Variants in NUDT3 observed in about 807,000 individuals in gnomAD.
The protein encoded by NUDT3 is nudix hydrolase 3.
In NUDT3, 9 loss-of-function variants were observed where a neutral mutation model predicts 23.6. The observed-to-expected ratio is 0.38, with a 90% confidence interval of 0.23 to 0.66. NUDT3 has a LOEUF of 0.66. NUDT3 is among the 30% of genes least tolerant of loss of function. The pLI, the probability that NUDT3 is intolerant of heterozygous loss-of-function variation, is 0.52. For synonymous variants in NUDT3, 86 were observed against 82.6 expected (o/e 1.04, Z -0.22); for missense variants, 172 against 218.5 (o/e 0.79, Z 1.34).
chr6:34,392,417 G>C lies in NUDT3; in HGVS notation c.-55C>G. 1 of 1,420,130 alleles carries C rather than the reference G, an allele frequency of 7.0e-7. No homozygotes were observed. The highest frequency in any genetic ancestry group is 9.7e-7 in the Non-Finnish European group (1 of 1,035,562). 88.0% of individuals were successfully genotyped at this position (1,420,130 alleles called of 1,614,324 possible). On this transcript the variant is annotated 5_prime_UTR_variant, in exon 1 of 5. Coordinates refer to ENST00000607016, the MANE Select transcript of NUDT3 (RefSeq NM_006703.4). ...GGTCGCAGGAGTCGAGGGGTGGGGA[G>C]CCCGCTCTGGACGGCCGCGTGCGCG...
Position 34,380,631 on chromosome 6 carries a change from T to C in NUDT3, c.99+11633A>G, listed in dbSNP as rs185863111. ...TGTTAGTTACAGGGTTCAAAATGGA[T>C]AGAATTCTCTGTTGAGATCTTTGTT... On this transcript the variant is annotated intron_variant, in intron 1 of 4. Transcript: ENST00000607016. Among the ~76,000 whole-genome samples, 11 of 152,336 alleles carry C rather than the reference T, an allele frequency of 7.2e-5. No individual in the cohort carries two copies. In the East Asian group the frequency reaches 9.6e-4, roughly 13 times the overall value.
At chr6:34,388,885 T>C (rs1482699272) in intron 1 of NUDT3, among the ~76,000 whole-genome samples, 1 of 152,238 alleles carries the variant, frequency 6.6e-6, no homozygotes, top group Non-Finnish European at 1.5e-5. Context: ...AAGCTTTGCA[T>C]GATTCCTCGG....
At chr6:34,385,071 A>T (rs1267991506) in intron 1 of NUDT3, among the ~76,000 whole-genome samples, 2 of 151,746 alleles carry the variant, frequency 1.3e-5, no homozygotes, top group Non-Finnish European at 2.9e-5. Flanking sequence ...TGGCCCTAAG[A>T]ACAAAGATTA....
At chr6:34,296,480 G>A (rs1003337740) in intron 2 of NUDT3, among the ~76,000 whole-genome samples, 6 of 151,732 alleles carry the variant, frequency 4.0e-5, no homozygotes, top group African/African-American at 1.5e-4. Flanking sequence ...AGGCTGAGGT[G>A]GGAGGGTTGT....
chr6:34,359,669 A>T (rs1258638355), intron 1 of NUDT3, among the ~76,000 whole-genome samples: 1 of 152,204 alleles, frequency 6.6e-6, no homozygotes, highest in East Asian at 1.9e-4. Context: ...GTGTTTATCC[A>T]TTCATCTACT....
rs568182407 is a variant in NUDT3 at position 34,337,243 on chromosome 6, T to G, written c.210+4619A>C. ...TATGATGATATGATTCTCCTCTGAC[T>G]GCAGAAAAAAAATTAGCTCAAAGTC... On this transcript the variant is annotated intron_variant, in intron 2 of 4. Transcript: ENST00000607016. Among the ~76,000 whole-genome samples, 14 of 152,296 alleles carry G rather than the reference T, an allele frequency of 9.2e-5. No homozygotes were observed. The South Asian group carries it at 2.7e-3, about 29-fold the overall frequency.
At chr6:34,335,405 A>C (rs1764194018) in intron 2 of NUDT3, among the ~76,000 whole-genome samples, 1 of 152,148 alleles carries the variant, frequency 6.6e-6, no homozygotes. Context: ...AAAATGTTTA[A>C]GGGAATCAAT....
Position 34,339,124 on chromosome 6 carries a change from TCTC to T in NUDT3, c.210+2735_210+2737del. ...ATAGCTGCCAATTCCAAAACCATTA[TCTC>T]CTTTGTCTAAATGTGTGCCACCAAA... On this transcript the variant is annotated intron_variant, in intron 2 of 4. Coordinates refer to ENST00000607016, the MANE Select transcript of NUDT3 (RefSeq NM_006703.4). Among the ~76,000 whole-genome samples the T allele has an allele frequency of 2.0e-5, 3 of 152,220 alleles. No individual in the cohort carries two copies. In the East Asian group the frequency reaches 5.8e-4, roughly 29 times the overall value.
At chr6:34,352,529 T>C (rs1266872936) in intron 1 of NUDT3, among the ~76,000 whole-genome samples, 3 of 152,184 alleles carry the variant, frequency 2.0e-5, no homozygotes, top group Non-Finnish European at 4.4e-5. Flanking sequence ...ATGAATTGCA[T>C]AACTTTCCCA....
chr6:34,316,013 C>T lies in NUDT3; in HGVS notation c.211-20328G>A, dbSNP rs1006180137. Among the ~76,000 whole-genome samples the T allele has an allele frequency of 5.0e-4, 76 of 152,132 alleles. 5 individuals carry two copies. The highest frequency in any genetic ancestry group is 1.5e-5 in the Non-Finnish European group (1 of 68,024). ...CTGCCTTACTCGCCACTCTAGAAAC[C>T]CACTTCAAAAGCCTGGCTCTTTTCA... On this transcript the variant is annotated intron_variant, in intron 2 of 4. Transcript: ENST00000607016.
At chr6:34,375,322 C>A (rs185865696) in intron 1 of NUDT3, among the ~76,000 whole-genome samples, 1 of 151,310 alleles carries the variant, frequency 6.6e-6, no homozygotes, top group East Asian at 1.9e-4. Context: ...CCAGCCTGGG[C>A]GACAGAGTAA....
At chr6:34,297,760 A>ATTTTTTTTTTT (rs1348385184) in intron 2 of NUDT3, among the ~76,000 whole-genome samples, 1 of 53,654 alleles carries the variant, frequency 1.9e-5, no homozygotes, top group African/African-American at 1.1e-4. Context: ...TATATATATA[A>ATTTTTTTTTTT]TTTTTTTTTT....
In NUDT3 at chr6:34,285,609, A is replaced by C. The variant is rs1763325354; in HGVS notation, c.*3144T>G. 1 of 152,252 alleles carries C rather than the reference A, an allele frequency of 6.6e-6. No homozygotes were observed. 9.4% of individuals were successfully genotyped at this position (152,252 alleles called of 1,614,324 possible). A position where few individuals can be genotyped will look rare whatever the true frequency, so the allele number is the denominator to read the frequency against. On this transcript the variant is annotated 3_prime_UTR_variant, in exon 5 of 5. Transcript: ENST00000607016. ...GTAGAATTAATGACAAATCAATGTC[A>C]GTGAAATATTCTGCAAACAGGGTAG...
chr6:34,342,918 C>A (rs186189521), intron 1 of NUDT3, among the ~76,000 whole-genome samples: 7 of 152,314 alleles, frequency 4.6e-5, no homozygotes. Flanking sequence ...TCATCCCCAG[C>A]CTCTTCCCTG....
At chr6:34,314,418 GC>G (rs1355309357) in intron 2 of NUDT3, among the ~76,000 whole-genome samples, 1 of 150,586 alleles carries the variant, frequency 6.6e-6, no homozygotes, top group Non-Finnish European at 1.5e-5. Flanking sequence ...AATTACCCAG[GC>G]CTGGTGGTAT....
At position 34,351,226 on chromosome 6, in the gene NUDT3, A is replaced by AAAAAAAAAAC. The variant is rs1554154786; in HGVS notation, c.100-9255_100-9254insGTTTTTTTTT. Among the ~76,000 whole-genome samples the AAAAAAAAAAC allele has an allele frequency of 1.7e-4, 23 of 134,072 alleles. 5 individuals are homozygous for AAAAAAAAAAC. The highest frequency in any genetic ancestry group is 6.5e-4 in the African/African-American group (21 of 32,092). The allele number at this position is 134,072 out of a possible 152,430, so 88.0% of individuals were successfully genotyped here. A position where few individuals can be genotyped will look rare whatever the true frequency, so the allele number is the denominator to read the frequency against. On this transcript the variant is annotated intron_variant, in intron 1 of 4. Coordinates refer to ENST00000607016, the MANE Select transcript of NUDT3 (RefSeq NM_006703.4). ...AAAAAAAAAAAAAAAAAAAAAAAAA[A>AAAAAAAAAAC]CACTTTGGGAGGCCAAGATGGGAAG... is the stretch of plus-strand genomic sequence containing the variant.
chr6:34,375,623 T>C (rs2113763430), intron 1 of NUDT3, among the ~76,000 whole-genome samples: 2 of 152,296 alleles, frequency 1.3e-5, no homozygotes, highest in Middle Eastern at 3.4e-3. Context: ...TGAATAACTC[T>C]CCTTCTCAGA....
At chr6:34,323,617 CGAAGA>C (rs975184097) in intron 2 of NUDT3, among the ~76,000 whole-genome samples, 5 of 150,390 alleles carry the variant, frequency 3.3e-5, no homozygotes, top group Admixed American at 6.6e-5. Context: ...CGAAGCGAAG[CGAAGA>C]GAAGAGAAAA....
At chr6:34,337,509 T>TCCCTTTTA (rs1764227168) in intron 2 of NUDT3, among the ~76,000 whole-genome samples, 1 of 152,210 alleles carries the variant, frequency 6.6e-6, no homozygotes, top group South Asian at 2.1e-4. Flanking sequence ...CACACTATTC[T>TCCCTTTTA]CCCTTTTACC....
Sources: allele counts gnomAD v4.1 joint callset (sites outside exome capture counted in the v4.1 genomes callset), GRCh38; gene constraint gnomAD v4.1.1; transcripts MANE v1.5; gene names NCBI Gene and HGNC (gene_info 2026-07-23, HGNC 2026-07-21).